Variants in MRPS28 observed in about 807,000 individuals in gnomAD.
The protein encoded by MRPS28 is small ribosomal subunit protein bS1m.
MRPS28 carries 7 observed loss-of-function variants against 10.8 expected under a neutral mutation model. The observed-to-expected ratio is 0.65, with a 90% CI of 0.37 to 1.22. The LOEUF (loss-of-function observed/expected upper bound fraction) is 1.22, where lower values mean the gene tolerates loss of function less well. Among genes scored for constraint, MRPS28 ranks in the 50% most tolerant of loss-of-function variants. The pLI is 0.02. For missense variants in MRPS28, 265 were observed against 232.9 expected, an observed-to-expected ratio of 1.14 and a Z score of -0.90; for synonymous variants, 121 against 93.3, an observed-to-expected ratio of 1.30 and a Z score of -1.71.
chr8:79,989,578 C>T (rs538060564), intron 2 of MRPS28, among the ~76,000 whole-genome samples: 6 of 152,296 alleles, frequency 3.9e-5, no homozygotes, highest in African/African-American at 1.4e-4. Flanking sequence ...TTGCATTTCA[C>T]TTTTAGAAAT....
intron 2 of MRPS28, among the ~76,000 whole-genome samples, chr8:79,997,845 A>C (rs1808544524): frequency 6.6e-6 from 1 of 152,088 alleles, no homozygotes; most frequent in Non-Finnish European, 1.5e-5. Flanking sequence ...ACTTGACGCC[A>C]GGAGTTCAAG....
chr8:80,017,980 G>C (rs1586100028), intron 1 of MRPS28, among the ~76,000 whole-genome samples: 1 of 152,046 alleles, frequency 6.6e-6, no homozygotes, highest in African/African-American at 2.4e-5. Context: ...CAACTCTATA[G>C]GAAAAAAATT....
At chr8:79,950,913 A>G (rs1807062077) in intron 2 of MRPS28, among the ~76,000 whole-genome samples, 1 of 152,186 alleles carries the variant, frequency 6.6e-6, no homozygotes, top group South Asian at 2.1e-4. Flanking sequence ...CATGGTATCT[A>G]TAGCAGATGT....
intron 2 of MRPS28, among the ~76,000 whole-genome samples, chr8:79,921,621 C>T (rs910729032): frequency 2.3e-4 from 35 of 152,128 alleles, no homozygotes; most frequent in Non-Finnish European, 4.3e-4. Flanking sequence ...GTGATTTTTG[C>T]ACATTGATTT....
chr8:80,024,074 A>T (rs1419611601), intron 1 of MRPS28, among the ~76,000 whole-genome samples: 1 of 152,114 alleles, frequency 6.6e-6, no homozygotes, highest in East Asian at 1.9e-4. Flanking sequence ...ACAAAAAAAT[A>T]CAAAAATCAG....
chr8:79,966,316 T>C (rs1291599788), intron 2 of MRPS28, among the ~76,000 whole-genome samples: 2 of 152,160 alleles, frequency 1.3e-5, no homozygotes, highest in East Asian at 1.9e-4. Flanking sequence ...ATGAAAATTC[T>C]AAACTTGCAT....
intron 2 of MRPS28, among the ~76,000 whole-genome samples, chr8:79,980,755 G>A (rs563795294): frequency 1.1e-4 from 17 of 152,214 alleles, no homozygotes; most frequent in Non-Finnish European, 5.9e-5. Flanking sequence ...GCACTATGCC[G>A]GACATTTAAA....
intron 1 of MRPS28, among the ~76,000 whole-genome samples, chr8:80,026,342 C>T (rs1809492945): frequency 6.6e-6 from 1 of 152,168 alleles, no homozygotes; most frequent in Admixed American, 6.5e-5. Context: ...GTGGTATTTT[C>T]AATTTCTTAC....
intron 2 of MRPS28, among the ~76,000 whole-genome samples, chr8:80,001,875 C>T (rs76531045): frequency 6.6e-6 from 1 of 152,102 alleles, no homozygotes; most frequent in Non-Finnish European, 1.5e-5. Flanking sequence ...CACATCTTCC[C>T]AACTCTGCAT....
At chr8:79,943,840 T>C (rs745471712) in intron 2 of MRPS28, among the ~76,000 whole-genome samples, 1 of 152,190 alleles carries the variant, frequency 6.6e-6, no homozygotes, top group Non-Finnish European at 1.5e-5. Flanking sequence ...AAAGTGACTA[T>C]ACTTAATGGT....
At chr8:79,974,551 C>T (rs1308124437) in intron 2 of MRPS28, among the ~76,000 whole-genome samples, 1 of 148,862 alleles carries the variant, frequency 6.7e-6, no homozygotes. Context: ...AAAAACAAAA[C>T]AAAACAAAAC....
chr8:79,976,372 C>A (rs186850124), intron 2 of MRPS28, among the ~76,000 whole-genome samples: 2,209 of 152,214 alleles, frequency 0.015, 64 homozygotes, highest in African/African-American at 0.051. Context: ...CGTGAGCCAC[C>A]GCACCCGGCC....
At chr8:79,927,811 G>A (rs1057264326) in intron 2 of MRPS28, among the ~76,000 whole-genome samples, 2 of 152,178 alleles carry the variant, frequency 1.3e-5, no homozygotes, top group African/African-American at 4.8e-5. Flanking sequence ...TTAAGAGACT[G>A]TTATTGCAGT....
At chr8:80,015,048 G>T (rs927233903) in intron 1 of MRPS28, among the ~76,000 whole-genome samples, 2 of 152,208 alleles carry the variant, frequency 1.3e-5, no homozygotes, top group Non-Finnish European at 2.9e-5. Context: ...GCTGTAACTG[G>T]TGAATTGGTG....
intron 1 of MRPS28, among the ~76,000 whole-genome samples, chr8:80,006,243 C>T (rs1180570528): frequency 2.0e-5 from 3 of 152,212 alleles, no homozygotes; most frequent in African/African-American, 7.2e-5. Flanking sequence ...AAGTAAAGCA[C>T]TCCTCAGCAA....
At chr8:79,921,569 A>C (rs1404668887) in intron 2 of MRPS28, among the ~76,000 whole-genome samples, 11 of 152,016 alleles carry the variant, frequency 7.2e-5, no homozygotes, top group Non-Finnish European at 1.5e-4. Context: ...ATGGGAGTTC[A>C]CTCATGATTT....
At chr8:79,958,205 C>T in intron 2 of MRPS28, 1 of 545,006 alleles carries the variant, frequency 1.8e-6, no homozygotes, top group Non-Finnish European at 3.2e-6. Flanking sequence ...AATCTACTTT[C>T]TGTCTCTGTG....
At chr8:79,922,752 ACAT>A in intron 2 of MRPS28, among the ~76,000 whole-genome samples, 1 of 152,254 alleles carries the variant, frequency 6.6e-6, no homozygotes, top group Admixed American at 6.5e-5. Flanking sequence ...TAAAAGTTAA[ACAT>A]CAACATTATA....
chr8:80,030,235 C>T lies in MRPS28; in HGVS notation c.14G>A (p.Cys5Tyr), dbSNP rs752935010. The change falls in exon 1 of 3, where the codon TGT becomes TAT. Residue 5 changes from cysteine (C) to tyrosine (Y), a missense_variant. Cys to Tyr is a radical substitution (Grantham distance 194, BLOSUM62 -2). Coordinates refer to ENST00000276585, the MANE Select transcript of MRPS28 (RefSeq NM_014018.3). MAAL[C>Y]RTRAVAAESH... is the part of the protein sequence containing the mutation. The stretch of plus-strand genomic sequence containing the variant: ...CTCGGCAGCCACAGCACGGGTCCGA[C>T]ACAGCGCCGCCATGACTTCTTTACC... 3.1e-6 allele frequency: 5 copies of T among 1,614,032 alleles called. No individual in the cohort carries two copies. In the Admixed American group the frequency reaches 6.7e-5, roughly 22 times the overall value.
Sources: gnomAD v4.1 joint callset for allele counts (sites outside exome capture counted in the v4.1 genomes callset) on GRCh38, gnomAD v4.1.1 for gene constraint, MANE v1.5 for transcripts, NCBI Gene and HGNC (gene_info 2026-07-23, HGNC 2026-07-21) for gene names.